Variants in DYNC1H1 observed in about 807,000 individuals in gnomAD.
DYNC1H1 encodes cytoplasmic dynein 1 heavy chain 1.
DYNC1H1 carries 51 observed loss-of-function variants against 527.1 expected under a neutral mutation model. The observed-to-expected ratio is 0.10, with a 90% CI of 0.08 to 0.12. The LOEUF (loss-of-function observed/expected upper bound fraction) is 0.12. Ranked by LOEUF, DYNC1H1 falls within the 10% of genes least tolerant of loss-of-function variation. DYNC1H1 has a pLI of 1.00. For synonymous variants in DYNC1H1, 2,189 were observed against 2,278.8 expected (o/e 0.96, Z 1.12); for missense variants, 2,771 against 5,971.8 (o/e 0.46, Z 17.66).
rs2048691233 is a variant in DYNC1H1 at position 102,044,495 on chromosome 14, T to C, written c.12902+4T>C. On this transcript the variant is annotated splice_donor_region_variant and intron_variant, in intron 71 of 77. Transcript: ENST00000360184. This position sits in a 1 kb window ranked among gnomAD's most constrained non-coding sequence, Gnocchi z 7.1. ...TTCAAATGCCAGATGGCATCAGGTA[T>C]GCTGCTGCCTGCTGGAATGGAGACA... 6.2e-7 allele frequency: 1 copy of C among 1,614,182 alleles called. No homozygotes were observed. Among genetic ancestry groups the C allele is most frequent in the African/African-American group, 1.3e-5 (1 of 75,072 alleles).
At position 101,987,000 on chromosome 14, in the gene DYNC1H1, A is replaced by G. The variant is rs1311326455; in HGVS notation, c.2538+237A>G. Among the ~76,000 whole-genome samples, 1 of 152,206 alleles carries G rather than the reference A, an allele frequency of 6.6e-6. No homozygotes were observed. The highest frequency in any genetic ancestry group is 1.5e-5 in the Non-Finnish European group (1 of 68,034). ...AGAAACAGGTGGAGAGCTAAAGGAC[A>G]CAGGAGTCCAACAGAGAGCAGAATG... On this transcript the variant is annotated intron_variant, in intron 8 of 77. Coordinates refer to ENST00000360184, the MANE Select transcript of DYNC1H1 (RefSeq NM_001376.5). The surrounding 1 kb of genome is among the most constrained non-coding windows in gnomAD (Gnocchi z 8.7).
chr14:101,995,479 C>T (rs1187727783), intron 15 of DYNC1H1, among the ~76,000 whole-genome samples, 179 bp downstream of exon 15: 3 of 151,954 alleles, frequency 2.0e-5, no homozygotes, highest in Admixed American at 6.6e-5. Context: ...GGTGTGGTGG[C>T]GGGTACCTGT....
chr14:101,979,825 A>G lies in DYNC1H1; in HGVS notation c.625A>G (p.Ile209Val), dbSNP rs758747746. The G allele has an allele frequency of 6.2e-6, 10 of 1,614,088 alleles. No homozygotes were observed. Among genetic ancestry groups the G allele is most frequent in the Admixed American group, 1.7e-5 (1 of 60,004 alleles). Residue 209 changes from isoleucine (I) to valine (V), a missense_variant, in exon 4 of 78, where the codon ATT becomes GTT. Physicochemically the swap from Ile to Val is conservative, Grantham distance 29 (BLOSUM62 3). Transcript: ENST00000360184. The surrounding 1 kb of genome is among the most constrained non-coding windows in gnomAD (Gnocchi z 4.6). ...NIEIPEISLP[I>V]HPMITNVAKQ... The stretch of plus-strand genomic sequence containing the variant: ...TGAAATTCCGGAGATCAGCCTGCCG[A>G]TTCATCCAATGATCACAAATGTTGC...
rs1207377187 is a variant in DYNC1H1, at chr14:101,997,363, G to T, written c.3804+89G>T. ...TTTCAAGCCTAAAAGGCCTTGCTGT[G>T]ACTGAGCTTTCTAGTATTGAAGACT... On this transcript the variant is annotated intron_variant, in intron 16 of 77. Coordinates refer to ENST00000360184, the MANE Select transcript of DYNC1H1 (RefSeq NM_001376.5). This position sits in a 1 kb window ranked among gnomAD's most constrained non-coding sequence, Gnocchi z 4.8. 2.5e-6 allele frequency: 4 copies of T among 1,599,060 alleles called. No homozygotes were observed. In the East Asian group the frequency reaches 6.7e-5, roughly 27 times the overall value.
intron 11 of DYNC1H1, among the ~76,000 whole-genome samples, chr14:101,992,285 A>C (rs560631405): frequency 6.6e-6 from 1 of 152,276 alleles, no homozygotes; most frequent in East Asian, 1.9e-4. Context: ...TTTGAATATA[A>C]ACTCAGATCT....
chr14:102,040,689 GTT>G lies in DYNC1H1; in HGVS notation c.11941+19_11941+20del. The G allele has an allele frequency of 6.2e-7, 1 of 1,614,170 alleles. No homozygotes were observed. The highest frequency in any genetic ancestry group is 8.5e-7 in the Non-Finnish European group (1 of 1,180,004). On this transcript the variant is annotated intron_variant, in intron 64 of 77. Transcript: ENST00000360184. ...ACACCTGCAAGTAAGCCCCACTGTGGTTTTCTTTCTGGACCTGAATGTAAAGT... is the reference window on the plus strand; with the variant it reads ...ACACCTGCAAGTAAGCCCCACTGTGGTTCTTTCTGGACCTGAATGTAAAGT...
Position 102,049,632 on chromosome 14 carries a change from G to A in DYNC1H1, c.13515+50G>A, listed in dbSNP as rs756401590. 8.1e-6 allele frequency: 13 copies of A among 1,613,130 alleles called. No homozygotes were observed. Among genetic ancestry groups the A allele is most frequent in the Non-Finnish European group, 9.3e-6 (11 of 1,180,042 alleles). ...GGGTGGTCAGCAGCTGTCCTGGGCT[G>A]GGGTGGGAGTGGCTCTGGGGAAAAA... On this transcript the variant is annotated intron_variant, in intron 75 of 77. Transcript: ENST00000360184. This position sits in a 1 kb window ranked among gnomAD's most constrained non-coding sequence, Gnocchi z 5.5.
intron 1 of DYNC1H1, among the ~76,000 whole-genome samples, chr14:101,975,230 T>C (rs1247448637): frequency 6.6e-6 from 1 of 152,168 alleles, no homozygotes; most frequent in Non-Finnish European, 1.5e-5. Context: ...ACCAACCCCA[T>C]AGGGTTAAAT....
Position 101,964,627 on chromosome 14 carries a change from G to T in DYNC1H1, c.-65G>T. 2 of 1,537,070 alleles carry T rather than the reference G, an allele frequency of 1.3e-6. No homozygotes were observed. Among genetic ancestry groups the T allele is most frequent in the Non-Finnish European group, 1.7e-6 (2 of 1,147,410 alleles). ...CTTCCGGCGGCCGTTTCTGTCTCTTGCTGGCTGTCTCGCTGAGTCGCGGCC... is the reference window on the plus strand; with the variant it reads ...CTTCCGGCGGCCGTTTCTGTCTCTTTCTGGCTGTCTCGCTGAGTCGCGGCC... On this transcript the variant is annotated 5_prime_UTR_variant, in exon 1 of 78. Coordinates refer to ENST00000360184, the MANE Select transcript of DYNC1H1 (RefSeq NM_001376.5). The surrounding 1 kb of genome is among the most constrained non-coding windows in gnomAD (Gnocchi z 5.5).
intron 1 of DYNC1H1, among the ~76,000 whole-genome samples, chr14:101,972,625 A>C (rs535003916): frequency 1.3e-5 from 2 of 152,290 alleles, no homozygotes; most frequent in Non-Finnish European, 2.9e-5. Context: ...CCCGGTTTGC[A>C]TTAGGAAGTG....
intron 43 of DYNC1H1, among the ~76,000 whole-genome samples, chr14:102,025,180 G>T (rs1292980690): frequency 6.6e-6 from 1 of 151,846 alleles, no homozygotes; most frequent in Non-Finnish European, 1.5e-5. Flanking sequence ...GCCGAGGCAG[G>T]TGGATCACGA....
At chr14:101,982,392 G>C (rs2047877837) in intron 5 of DYNC1H1, among the ~76,000 whole-genome samples, 1 of 152,090 alleles carries the variant, frequency 6.6e-6, no homozygotes, top group Non-Finnish European at 1.5e-5. Flanking sequence ...AGGAGATGGA[G>C]ACCATCCTGG....
intron 5 of DYNC1H1, among the ~76,000 whole-genome samples, chr14:101,981,618 G>T (rs2720218): frequency 0.036 from 5,494 of 152,252 alleles, 256 homozygotes; most frequent in African/African-American, 0.11. Context: ...CCCAAAAAAC[G>T]TATGGTACCC....
intron 5 of DYNC1H1, 92 bp from the exon 6 acceptor site, chr14:101,982,927 A>C: frequency 6.8e-7 from 1 of 1,464,886 alleles, no homozygotes; most frequent in East Asian, 2.3e-5. Flanking sequence ...ATATTTTGCA[A>C]CATCAAAATG....
At chr14:102,000,922 A>G (rs2048123808) in intron 18 of DYNC1H1, 32 bp from the exon 19 acceptor site, 2 of 1,576,112 alleles carry the variant, frequency 1.3e-6, no homozygotes, top group African/African-American at 1.3e-5. Context: ...AATGTTGGCA[A>G]GCTAAATAGC....
chr14:101,999,894 G>GGC, intron 16 of DYNC1H1, 95 bp from the exon 17 acceptor site: 3 of 1,576,528 alleles, frequency 1.9e-6, no homozygotes, highest in Non-Finnish European at 2.6e-6. Context: ...GAAACGTCCA[G>GGC]AAGCCCTGCA....
chr14:102,013,617 G>A (rs990309907), intron 34 of DYNC1H1, among the ~76,000 whole-genome samples: 1 of 152,186 alleles, frequency 6.6e-6, no homozygotes, highest in African/African-American at 2.4e-5. Context: ...AACGAGCCAG[G>A]TCAGGGGCCT....
At chr14:101,970,583 A>C (rs1034356835) in intron 1 of DYNC1H1, among the ~76,000 whole-genome samples, 59 of 145,260 alleles carry the variant, frequency 4.1e-4, no homozygotes, top group Non-Finnish European at 2.4e-4. Flanking sequence ...CCTGGGTTCA[A>C]GTGATTCTCC....
At position 102,041,360 on chromosome 14, in the gene DYNC1H1, C is replaced by T. The variant is rs2048647081; in HGVS notation, c.11942-214C>T. 1 of 702,458 alleles carries T rather than the reference C, an allele frequency of 1.4e-6. No homozygotes were observed. Among genetic ancestry groups the T allele is most frequent in the Non-Finnish European group, 2.4e-6 (1 of 409,014 alleles). The allele number at this position is 702,458 out of a possible 1,614,324, so 43.5% of individuals were successfully genotyped here. ...AAAATCAGCAAATGGCACCTTTGTC[C>T]TATGGATACATCCAGGTAGTAAGGT... is the stretch of plus-strand genomic sequence containing the variant. On this transcript the variant is annotated intron_variant, in intron 64 of 77. Coordinates refer to ENST00000360184, the MANE Select transcript of DYNC1H1 (RefSeq NM_001376.5). This position sits in a 1 kb window ranked among gnomAD's most constrained non-coding sequence, Gnocchi z 4.5.
Sources: gnomAD v4.1 joint callset for allele counts (sites outside exome capture counted in the v4.1 genomes callset) on GRCh38, gnomAD v4.1.1 for gene constraint, Gnocchi (gnomAD v3.1) non-coding constraint, MANE v1.5 for transcripts, NCBI Gene and HGNC (gene_info 2026-07-23, HGNC 2026-07-21) for gene names.